The following RNF130 variants were observed in gnomAD, a reference collection of about 807,000 sequenced individuals.
RNF130 encodes ring finger protein 130, also known as E3 ubiquitin-protein ligase RNF130.
A neutral mutation model predicts 44.6 loss-of-function variants in RNF130; 21 were observed. The observed-to-expected ratio is 0.47, with a 90% CI of 0.33 to 0.68. The LOEUF (loss-of-function observed/expected upper bound fraction) is 0.68. Among genes scored for constraint, RNF130 ranks in the 30% least tolerant of loss-of-function variants. RNF130 has a pLI of 0.02. For missense variants in RNF130, 479 were observed against 560.6 expected (o/e 0.85, Z 1.47); for synonymous variants, 214 against 210.4 (o/e 1.02, Z -0.15).
intron 2 of RNF130, among the ~76,000 whole-genome samples, chr5:180,017,482 C>T (rs1429640696): frequency 1.3e-5 from 2 of 152,184 alleles, no homozygotes; most frequent in African/African-American, 2.4e-5. Flanking sequence ...ATGCTCTCAG[C>T]ATCCACTGGT....
At chr5:179,999,876 T>A (rs1287055293) in intron 3 of RNF130, among the ~76,000 whole-genome samples, 4 of 152,230 alleles carry the variant, frequency 2.6e-5, no homozygotes, top group Non-Finnish European at 1.5e-5. Context: ...AGGTGAGGAC[T>A]TATTCCTATC....
intron 5 of RNF130, among the ~76,000 whole-genome samples, chr5:179,972,188 G>T (rs991027728): frequency 1.3e-5 from 2 of 152,116 alleles, no homozygotes; most frequent in African/African-American, 4.8e-5. Context: ...TCCAGCAGGG[G>T]TCAAGTGCAC....
chr5:180,028,529 T>C (rs1429642336), intron 2 of RNF130, among the ~76,000 whole-genome samples: 1 of 144,362 alleles, frequency 6.9e-6, no homozygotes, highest in Non-Finnish European at 1.5e-5. Context: ...GCACAATGAA[T>C]GCCTCCTACA....
chr5:180,033,674 C>A (rs1015603031), intron 2 of RNF130, among the ~76,000 whole-genome samples: 16 of 142,186 alleles, frequency 1.1e-4, no homozygotes, highest in African/African-American at 4.3e-4. Context: ...CCAGCCTGGG[C>A]AACAGAGCGA....
At chr5:180,000,313 T>G (rs1763303467) in intron 3 of RNF130, among the ~76,000 whole-genome samples, 1 of 152,238 alleles carries the variant, frequency 6.6e-6, no homozygotes, top group African/African-American at 2.4e-5. Context: ...TTGATGCTGT[T>G]CTCTTGCTGT....
chr5:180,021,688 T>C (rs190705947), intron 2 of RNF130, among the ~76,000 whole-genome samples: 131 of 152,238 alleles, frequency 8.6e-4, no homozygotes, highest in African/African-American at 2.9e-3. Flanking sequence ...TAAAAACTTT[T>C]AAAACCTAGA....
At chr5:180,035,434 G>A (rs375602231) in intron 2 of RNF130, among the ~76,000 whole-genome samples, 9 of 152,292 alleles carry the variant, frequency 5.9e-5, no homozygotes, top group Non-Finnish European at 1.3e-4. Flanking sequence ...TGGTCTATCC[G>A]AGAGAATGCT....
chr5:180,006,005 C>A (rs1048361801), intron 3 of RNF130, among the ~76,000 whole-genome samples: 11 of 152,140 alleles, frequency 7.2e-5, no homozygotes, highest in Admixed American at 3.3e-4. Flanking sequence ...ATAATACAGT[C>A]TCTGTATATG....
At chr5:179,951,470 G>A (rs937789592), downstream of RNF130, among the ~76,000 whole-genome samples, 5 of 150,892 alleles carry the variant, frequency 3.3e-5, no homozygotes, top group Non-Finnish European at 4.4e-5. Flanking sequence ...TGCAAACTCC[G>A]CCTCCCGGGT....
intron 8 of RNF130, among the ~76,000 whole-genome samples, chr5:179,957,940 G>C (rs917899127): frequency 4.6e-5 from 7 of 151,608 alleles, no homozygotes; most frequent in South Asian, 2.1e-4. Flanking sequence ...TGCAGTGGCG[G>C]GATCTCGGCT....
At chr5:179,948,057 G>A (rs535389195) in intron 7 of RNF130, among the ~76,000 whole-genome samples, 27 of 152,324 alleles carry the variant, frequency 1.8e-4, no homozygotes, top group African/African-American at 6.0e-4. Context: ...GTATAAAGTA[G>A]TTGGGAGCAT....
chr5:180,058,907 T>C (rs1475821599), intron 1 of RNF130, among the ~76,000 whole-genome samples: 1 of 152,180 alleles, frequency 6.6e-6, no homozygotes, highest in African/African-American at 2.4e-5. Context: ...AAGAGTTCTG[T>C]AGATGGGTCG....
At chr5:179,915,164 C>T (rs886135651) in exon 8 of RNF130, 3 of 151,772 alleles carry the variant, frequency 2.0e-5, no homozygotes, top group Admixed American at 6.6e-5. Context: ...CTCGTTTCTA[C>T]TAAAAATACA....
intron 2 of RNF130, among the ~76,000 whole-genome samples, chr5:180,021,906 C>T (rs933021931): frequency 2.4e-4 from 36 of 152,198 alleles, no homozygotes; most frequent in African/African-American, 8.7e-4. Context: ...GAGTCACATG[C>T]TACACTCAGT....
chr5:179,971,497 G>A (rs1474463638), intron 5 of RNF130, among the ~76,000 whole-genome samples: 1 of 152,180 alleles, frequency 6.6e-6, no homozygotes, highest in East Asian at 1.9e-4. Context: ...AGCCTCACAA[G>A]CAGCTGGGAC....
intron 3 of RNF130, among the ~76,000 whole-genome samples, chr5:180,000,793 T>C (rs758262729): frequency 1.3e-5 from 2 of 152,218 alleles, no homozygotes; most frequent in Non-Finnish European, 2.9e-5. Context: ...CCCAACTCTA[T>C]TGATTGTCTA....
At position 180,067,777 on chromosome 5, in the gene RNF130, C is replaced by G. The variant is rs890040394; in HGVS notation, c.247+3679G>C. Among the ~76,000 whole-genome samples, 10 of 152,158 alleles carry G rather than the reference C, an allele frequency of 6.6e-5. 1 individual carries two copies. Among genetic ancestry groups the G allele is most frequent in the Non-Finnish European group, 1.5e-4 (10 of 68,036 alleles). ...CCTTTTTCTCTGAATATTTTGAAAT[C>G]TGTGTCCAATAGCCCCTGCCTTTGC... is the stretch of plus-strand genomic sequence containing the variant. On this transcript the variant is annotated intron_variant, in intron 1 of 8. Coordinates refer to ENST00000521389, the MANE Select transcript of RNF130 (RefSeq NM_018434.6).
chr5:179,991,677 T>C (rs1454448920), intron 3 of RNF130, among the ~76,000 whole-genome samples: 1 of 152,164 alleles, frequency 6.6e-6, no homozygotes, highest in Non-Finnish European at 1.5e-5. Flanking sequence ...TGGAAGACAA[T>C]TTTTCCACAG....
intron 1 of RNF130, among the ~76,000 whole-genome samples, chr5:180,047,059 C>T (rs185396192): frequency 9.2e-5 from 14 of 152,308 alleles, no homozygotes; most frequent in Admixed American, 8.5e-4. Context: ...CTATCAGTTG[C>T]TTCCTACAAA....
Sources: gnomAD v4.1 joint callset for allele counts (sites outside exome capture counted in the v4.1 genomes callset) on GRCh38, gnomAD v4.1.1 for gene constraint, MANE v1.5 for transcripts, NCBI Gene and HGNC (gene_info 2026-07-23, HGNC 2026-07-21) for gene names.